ALX4: variants seen among roughly 807,000 people sequenced by gnomAD.
ALX4 encodes the protein ALX homeobox 4, also known as homeobox protein aristaless-like 4.
ALX4 carries 22 observed loss-of-function variants against 40.6 expected under a neutral mutation model. That is an observed-to-expected ratio of 0.54 (90% CI 0.39 to 0.77). The LOEUF is 0.77. ALX4 is among the 30% of genes least tolerant of loss of function. ALX4 has a pLI of 0.00. For synonymous variants in ALX4, 266 were observed against 240.5 expected (o/e 1.11, Z -0.98); for missense variants, 556 against 564.8 (o/e 0.98, Z 0.16).
intron 2 of ALX4, among the ~76,000 whole-genome samples, chr11:44,269,277 G>A (rs186198923): frequency 8.9e-4 from 136 of 152,348 alleles, no homozygotes; most frequent in African/African-American, 3.1e-3. Flanking sequence ...CCTCATAGTC[G>A]CAGCAGGGGA....
chr11:44,279,527 C>T lies in ALX4; in HGVS notation c.467-3869G>A, dbSNP rs1565002939. Reference sequence around the variant, plus strand: ...TGGGTGCTGGTCAGATCTGACTCCCCGCAAGGTGCCCTCCTCAGCAAGACG... The same window carrying T: ...TGGGTGCTGGTCAGATCTGACTCCCTGCAAGGTGCCCTCCTCAGCAAGACG... On this transcript the variant is annotated intron_variant, in intron 1 of 3. Transcript: ENST00000652299. Among the ~76,000 whole-genome samples, 4 of 149,964 alleles carry T rather than the reference C, an allele frequency of 2.7e-5. No homozygotes were observed. In the Middle Eastern group the frequency reaches 0.01, roughly 393 times the overall value.
At position 44,264,786 on chromosome 11, in the gene ALX4, C is replaced by G. The variant is rs1355185915; in HGVS notation, c.*68G>C. The G allele has an allele frequency of 4.5e-6, 7 of 1,563,348 alleles. No homozygotes were observed. Among genetic ancestry groups the G allele is most frequent in the Non-Finnish European group, 6.1e-6 (7 of 1,146,952 alleles). ...CCTAAGAGGAAAGTCGAGTGGGAGG[C>G]TGGGGGCCTGGAAAACATGGGCGTG... On this transcript the variant is annotated 3_prime_UTR_variant, in exon 4 of 4. Coordinates refer to ENST00000652299, the MANE Select transcript of ALX4 (RefSeq NM_021926.4).
intron 1 of ALX4, among the ~76,000 whole-genome samples, chr11:44,304,070 G>A (rs752858545): frequency 6.6e-6 from 1 of 152,154 alleles, no homozygotes; most frequent in Non-Finnish European, 1.5e-5. Context: ...GCCCTGTTTG[G>A]AAGGGCTGCT....
chr11:44,302,040 C>T (rs1484873276), intron 1 of ALX4, among the ~76,000 whole-genome samples: 1 of 152,182 alleles, frequency 6.6e-6, no homozygotes, highest in East Asian at 1.9e-4. Context: ...GGTGAGTCAG[C>T]TGCTCCTGGG....
chr11:44,305,405 T>A (rs1207616195), intron 1 of ALX4, among the ~76,000 whole-genome samples: 1 of 152,198 alleles, frequency 6.6e-6, no homozygotes, highest in African/African-American at 2.4e-5. Flanking sequence ...TCCTTCGCCA[T>A]CCCTCCCTCC....
chr11:44,270,239 G>T (rs1195351395), intron 2 of ALX4, among the ~76,000 whole-genome samples: 3 of 152,182 alleles, frequency 2.0e-5, no homozygotes. Flanking sequence ...GAAGACAGAT[G>T]ACCAGGCGGG....
At chr11:44,282,218 G>A (rs1590694808) in intron 1 of ALX4, among the ~76,000 whole-genome samples, 1 of 152,174 alleles carries the variant, frequency 6.6e-6, no homozygotes, top group Non-Finnish European at 1.5e-5. Flanking sequence ...CTTCACCCAA[G>A]AAGATCTACA....
At chr11:44,307,865 T>G (rs1017244354) in intron 1 of ALX4, among the ~76,000 whole-genome samples, 3 of 151,058 alleles carry the variant, frequency 2.0e-5, no homozygotes, top group South Asian at 2.1e-4. Context: ...TGGAGCTGTG[T>G]GTGTCCGTGT....
At position 44,265,262 on chromosome 11, in the gene ALX4, C is replaced by T. The variant is rs190814077; in HGVS notation, c.907-79G>A. The T allele has an allele frequency of 5.4e-6, 7 of 1,297,248 alleles. No homozygotes were observed. The East Asian group carries it at 9.9e-5, about 18-fold the overall frequency. The allele number at this position is 1,297,248 out of a possible 1,614,324, so 80.4% of individuals were successfully genotyped here. On this transcript the variant is annotated intron_variant, in intron 3 of 3. Coordinates refer to ENST00000652299, the MANE Select transcript of ALX4 (RefSeq NM_021926.4). ...GGGGCTCGCCCCTTCCCCCAGAGCA[C>T]CTCTCCCCTCACTGTCCATCCTTCC...
At chr11:44,274,258 G>A (rs1956265028) in intron 2 of ALX4, among the ~76,000 whole-genome samples, 1 of 152,076 alleles carries the variant, frequency 6.6e-6, no homozygotes, top group South Asian at 2.1e-4. Context: ...ATTGGGTTGT[G>A]TTGAGTGGGT....
At chr11:44,272,465 C>T (rs982193314) in intron 2 of ALX4, among the ~76,000 whole-genome samples, 2 of 149,606 alleles carry the variant, frequency 1.3e-5, no homozygotes, top group Non-Finnish European at 3.0e-5. Flanking sequence ...GATTGCACCA[C>T]TGCACTCCAG....
intron 1 of ALX4, among the ~76,000 whole-genome samples, chr11:44,279,570 T>C (rs1378249486): frequency 3.3e-5 from 5 of 151,964 alleles, no homozygotes; most frequent in African/African-American, 1.2e-4. Flanking sequence ...AAAATAGAAG[T>C]CCCATGGCTC....
At chr11:44,291,813 T>A (rs1443341896) in intron 1 of ALX4, among the ~76,000 whole-genome samples, 1 of 152,232 alleles carries the variant, frequency 6.6e-6, no homozygotes, top group East Asian at 1.9e-4. Context: ...CCTTCTTTAA[T>A]TTTTATTTAT....
chr11:44,264,592 CGTG>C lies in ALX4; in HGVS notation c.*259_*261del. The C allele has an allele frequency of 1.8e-6, 1 of 570,324 alleles. No homozygotes were observed. Among genetic ancestry groups the C allele is most frequent in the Non-Finnish European group, 3.1e-6 (1 of 320,152 alleles). The allele number at this position is 570,324 out of a possible 1,614,324, so 35.3% of individuals were successfully genotyped here. A position where few individuals can be genotyped will look rare whatever the true frequency, so the allele number is the denominator to read the frequency against. ...TTATCATGGATGCGAAGCTGAAAAA[CGTG>C]GCCACCTGGCTTTCTCCACTGCCTG... On this transcript the variant is annotated 3_prime_UTR_variant, in exon 4 of 4. Transcript: ENST00000652299.
At chr11:44,298,839 G>A (rs1015549661) in intron 1 of ALX4, among the ~76,000 whole-genome samples, 24 of 151,940 alleles carry the variant, frequency 1.6e-4, no homozygotes, top group Admixed American at 1.4e-3. Flanking sequence ...GCAAGAGAAC[G>A]ACAAAGCAGG....
intron 1 of ALX4, among the ~76,000 whole-genome samples, chr11:44,292,284 C>T (rs2002597): frequency 0.68 from 102,494 of 151,558 alleles, 34,901 homozygotes; most frequent in South Asian, 0.89. Context: ...CAGCTCACTG[C>T]AGCCTCAACC....
At chr11:44,273,647 T>A (rs542857796) in intron 2 of ALX4, among the ~76,000 whole-genome samples, 39 of 152,106 alleles carry the variant, frequency 2.6e-4, no homozygotes, top group Non-Finnish European at 3.2e-4. Flanking sequence ...CAGTCAACAA[T>A]CCTGTAAAGA....
chr11:44,309,083 C>T (rs1276589918), intron 1 of ALX4, among the ~76,000 whole-genome samples: 3 of 151,736 alleles, frequency 2.0e-5, no homozygotes, highest in African/African-American at 7.2e-5. Flanking sequence ...ACCTGCGGCG[C>T]TCTCACCTGC....
chr11:44,289,829 G>C (rs1171038972), intron 1 of ALX4, among the ~76,000 whole-genome samples: 2 of 152,080 alleles, frequency 1.3e-5, no homozygotes, highest in African/African-American at 4.8e-5. Context: ...GAAGTTTCCC[G>C]GCTCCTCGTC....
Sources: allele counts gnomAD v4.1 joint callset (sites outside exome capture counted in the v4.1 genomes callset), GRCh38; gene constraint gnomAD v4.1.1; transcripts MANE v1.5; gene names NCBI Gene and HGNC (gene_info 2026-07-23, HGNC 2026-07-21).